The following AMPH variants were observed in gnomAD, a reference collection of about 807,000 sequenced individuals.
AMPH encodes the protein amphiphysin, also known as amphiphysin (Stiff-Mann syndrome with breast cancer 128kD autoantigen).
AMPH carries 49 observed loss-of-function variants against 99.1 expected under a neutral mutation model. The ratio of observed to expected loss-of-function variants is 0.49; its 90% confidence interval spans 0.39 to 0.63. The LOEUF is 0.63. Among genes scored for constraint, AMPH ranks in the 20% least tolerant of loss-of-function variants. The pLI, the probability that AMPH is intolerant of heterozygous loss-of-function variation, is 0.00. For missense variants in AMPH, 759 were observed against 863.4 expected, an observed-to-expected ratio of 0.88 and a Z score of 1.52; for synonymous variants, 314 against 317.3, an observed-to-expected ratio of 0.99 and a Z score of 0.11.
intron 7 of AMPH, among the ~76,000 whole-genome samples, chr7:38,469,116 T>C (rs1434311584): frequency 9.2e-6 from 1 of 109,146 alleles, no homozygotes; most frequent in Non-Finnish European, 1.7e-5. Context: ...ATCCCGCCAC[T>C]GCACTCCAGC....
At chr7:38,387,567 C>T (rs187907000) in intron 20 of AMPH, among the ~76,000 whole-genome samples, 109 of 151,662 alleles carry the variant, frequency 7.2e-4, no homozygotes, top group African/African-American at 2.6e-3. Flanking sequence ...GAAGGCAGAT[C>T]AATAGAAATT....
rs7799392 is a variant in AMPH, at chr7:38,416,016, T to C, written c.1398+1809A>G. The stretch of plus-strand genomic sequence containing the variant: ...GCTGCTTACCCAACATGAGGGAAGC[T>C]GGTTTGAGTGATGGTTGGTGCCTGT... On this transcript the variant is annotated intron_variant, in intron 17 of 20. Transcript: ENST00000356264. Among the ~76,000 whole-genome samples the C allele has an allele frequency of 2.1e-3, 323 of 150,864 alleles. 3 individuals are homozygous for C. The highest frequency in any genetic ancestry group is 7.3e-3 in the African/African-American group (299 of 41,122).
At chr7:38,625,340 G>A (rs544368088) in intron 1 of AMPH, among the ~76,000 whole-genome samples, 1 of 152,072 alleles carries the variant, frequency 6.6e-6, no homozygotes, top group Non-Finnish European at 1.5e-5. Context: ...ATAAACATTT[G>A]ACATATCTGA....
rs78331155 is a variant in AMPH, at chr7:38,581,329, T to C, written c.70-46318A>G. 2.8e-3 allele frequency among the ~76,000 whole-genome samples: 419 copies of C among 152,236 alleles called. 5 individuals are homozygous for C. The highest frequency in any genetic ancestry group is 9.5e-3 in the African/African-American group (393 of 41,544). On this transcript the variant is annotated intron_variant, in intron 1 of 20. Transcript: ENST00000356264. ...ACTTGAGAAGCTGATATTTGAATAA[T>C]GATCTAAGGTCGACAACAGAGTGAA...
chr7:38,445,103 T>TATACACATATATACATGGTATATACA (rs1562760151), intron 11 of AMPH, among the ~76,000 whole-genome samples: 13 of 149,964 alleles, frequency 8.7e-5, no homozygotes, highest in African/African-American at 2.9e-4. Flanking sequence ...TACATATATA[T>TATACACATATATACATGGTATATACA]TAGATAGATA....
At chr7:38,505,280 G>A (rs114255311) in intron 2 of AMPH, among the ~76,000 whole-genome samples, 1 of 152,300 alleles carries the variant, frequency 6.6e-6, no homozygotes, top group African/African-American at 2.4e-5. Context: ...GCATTGTGCA[G>A]GTATAGTGGC....
intron 15 of AMPH, among the ~76,000 whole-genome samples, chr7:38,426,742 A>G (rs1785795013): frequency 1.3e-5 from 2 of 152,178 alleles, no homozygotes; most frequent in Non-Finnish European, 2.9e-5. Context: ...TGGGCTAAAC[A>G]CTCTGTTGCA....
At chr7:38,444,572 C>T (rs1421066977) in intron 11 of AMPH, among the ~76,000 whole-genome samples, 2 of 151,954 alleles carry the variant, frequency 1.3e-5, no homozygotes, top group Non-Finnish European at 2.9e-5. Context: ...CCAAGGAACC[C>T]CAAGGACTTT....
intron 5 of AMPH, among the ~76,000 whole-genome samples, chr7:38,484,871 A>C (rs1361717947): frequency 6.6e-6 from 1 of 151,992 alleles, no homozygotes; most frequent in Non-Finnish European, 1.5e-5. Flanking sequence ...AAAAGTATAG[A>C]GTTTTTATAG....
At chr7:38,596,984 G>A (rs575016094) in intron 1 of AMPH, among the ~76,000 whole-genome samples, 22 of 152,234 alleles carry the variant, frequency 1.4e-4, no homozygotes, top group African/African-American at 3.4e-4. Flanking sequence ...GTCCCCTGCC[G>A]CCCGGCCCAT....
chr7:38,420,886 A>G, intron 16 of AMPH: 1 of 450,462 alleles, frequency 2.2e-6, no homozygotes, highest in Non-Finnish European at 4.5e-6. Flanking sequence ...GGAGATGTAC[A>G]GCTGATTACC....
Position 38,429,286 on chromosome 7 carries a change from G to C in AMPH, c.1182+556C>G, listed in dbSNP as rs749584292. ...GGGGGCAGTTGTTCATTTCCACCTG[G>C]AAAGGCTGGCCCCGGGGCATGCTCA... On this transcript the variant is annotated intron_variant, in intron 14 of 20. Transcript: ENST00000356264. 147 of 1,286,306 alleles carry C rather than the reference G, an allele frequency of 1.1e-4. 1 individual carries two copies. The highest frequency in any genetic ancestry group is 1.5e-4 in the Non-Finnish European group (144 of 986,500). 79.7% of individuals were successfully genotyped at this position (1,286,306 alleles called of 1,614,324 possible).
chr7:38,394,269 A>C lies in AMPH; in HGVS notation c.1399-55T>G, dbSNP rs1369187509. 3.8e-6 allele frequency: 6 copies of C among 1,580,086 alleles called. No homozygotes were observed. In the East Asian group the frequency reaches 1.1e-4, roughly 30 times the overall value. Reference sequence around the variant, plus strand: ...TGCATCTCCATGGGCCTCTGCCAGGAGTCAAACTCAAGCCTATTTCTAATC... The same window carrying C: ...TGCATCTCCATGGGCCTCTGCCAGGCGTCAAACTCAAGCCTATTTCTAATC... On this transcript the variant is annotated intron_variant, in intron 17 of 20. Coordinates refer to ENST00000356264, the MANE Select transcript of AMPH (RefSeq NM_001635.4).
Position 38,471,195 on chromosome 7 carries a change from C to A in AMPH, c.590+4136G>T, listed in dbSNP as rs141086565. Among the ~76,000 whole-genome samples, 603 of 152,310 alleles carry A rather than the reference C, an allele frequency of 4.0e-3. 2 individuals are homozygous for A. The highest frequency in any genetic ancestry group is 0.014 in the African/African-American group (571 of 41,574). ...ACACTATCACTCTGACCCTGAGTTA[C>A]ATTAGACTAAAGTTCCATGAACCCA... is the stretch of plus-strand genomic sequence containing the variant. On this transcript the variant is annotated intron_variant, in intron 7 of 20. Coordinates refer to ENST00000356264, the MANE Select transcript of AMPH (RefSeq NM_001635.4).
chr7:38,587,014 C>G (rs201727604), intron 1 of AMPH, among the ~76,000 whole-genome samples: 1 of 24,904 alleles, frequency 4.0e-5, no homozygotes. Flanking sequence ...TGTGTAAATA[C>G]ACACACACAC....
intron 3 of AMPH, among the ~76,000 whole-genome samples, chr7:38,502,156 T>C (rs1458216574): frequency 6.6e-6 from 1 of 152,194 alleles, no homozygotes; most frequent in Non-Finnish European, 1.5e-5. Context: ...ATGGTGTTTT[T>C]AAAAAACATA....
intron 1 of AMPH, among the ~76,000 whole-genome samples, chr7:38,624,520 G>C (rs914515397): frequency 6.7e-6 from 1 of 148,968 alleles, no homozygotes; most frequent in Non-Finnish European, 1.5e-5. Context: ...TCGGCCTCCC[G>C]AGTATCCTGC....
intron 1 of AMPH, among the ~76,000 whole-genome samples, chr7:38,603,939 C>T (rs900361881): frequency 7.2e-5 from 11 of 152,186 alleles, no homozygotes; most frequent in African/African-American, 2.7e-4. Flanking sequence ...CTGTGTAATT[C>T]AACAAACGTG....
chr7:38,565,015 T>G (rs1263346439), intron 1 of AMPH, among the ~76,000 whole-genome samples: 1 of 151,284 alleles, frequency 6.6e-6, no homozygotes, highest in Non-Finnish European at 1.5e-5. Context: ...TCCCAGCTAC[T>G]CGGGAGGCTG....
Sources: gnomAD v4.1 joint callset for allele counts (sites outside exome capture counted in the v4.1 genomes callset) on GRCh38, gnomAD v4.1.1 for gene constraint, MANE v1.5 for transcripts, NCBI Gene and HGNC (gene_info 2026-07-23, HGNC 2026-07-21) for gene names.